TRIP12: variants seen among roughly 807,000 people sequenced by gnomAD.
TRIP12 encodes E3 ubiquitin-protein ligase TRIP12.
TRIP12 carries 25 observed loss-of-function variants against 244.2 expected under a neutral mutation model. The ratio of observed to expected loss-of-function variants is 0.10; its 90% CI spans 0.07 to 0.14. The LOEUF (loss-of-function observed/expected upper bound fraction) is 0.14, where lower values mean the gene tolerates loss of function less well. Ranked by LOEUF, TRIP12 falls within the 10% of genes least tolerant of loss-of-function variation. TRIP12 has a pLI of 1.00. For missense variants in TRIP12, 1,677 were observed against 2,486.4 expected, an observed-to-expected ratio of 0.67 and a Z score of 6.92; for synonymous variants, 905 against 873.1, an observed-to-expected ratio of 1.04 and a Z score of -0.64.
At chr2:229,826,930 T>C (rs574017963) in intron 8 of TRIP12, among the ~76,000 whole-genome samples, 2 of 152,292 alleles carry the variant, frequency 1.3e-5, no homozygotes, top group African/African-American at 4.8e-5. Context: ...TATATTACTA[T>C]CAATTTTGTA....
intron 2 of TRIP12, among the ~76,000 whole-genome samples, chr2:229,866,875 C>T (rs1196505487): frequency 2.0e-5 from 3 of 152,066 alleles, no homozygotes; most frequent in African/African-American, 7.2e-5. Context: ...AAAAGCTTTC[C>T]AGTCAAAAGC....
In TRIP12 at chr2:229,769,867, T is replaced by C. The variant is rs112322429; in HGVS notation, c.5809-542A>G. 7.7e-4 allele frequency among the ~76,000 whole-genome samples: 117 copies of C among 152,292 alleles called. 1 individual carries two copies. The highest frequency in any genetic ancestry group is 2.5e-3 in the African/African-American group (102 of 41,574). On this transcript the variant is annotated intron_variant, in intron 39 of 41. Coordinates refer to ENST00000675903, the MANE Select transcript of TRIP12 (RefSeq NM_001348323.3). ...TGTATGGGGACCAACCCAGATATTA[T>C]AGAATGAATATTAGAAAGCAATAAA... is the stretch of plus-strand genomic sequence containing the variant.
intron 39 of TRIP12, among the ~76,000 whole-genome samples, chr2:229,770,385 T>C (rs2033795240): frequency 6.6e-6 from 1 of 152,196 alleles, no homozygotes; most frequent in Non-Finnish European, 1.5e-5. Flanking sequence ...CATGATTCTA[T>C]TCCAGGTGAC....
intron 34 of TRIP12, among the ~76,000 whole-genome samples, chr2:229,782,580 A>T (rs1158261163): frequency 6.6e-6 from 1 of 152,102 alleles, no homozygotes; most frequent in African/African-American, 2.4e-5. Context: ...ATAACCTGGA[A>T]CCCTAGCATG....
chr2:229,900,315 T>TAG (rs1274818086), intron 1 of TRIP12, among the ~76,000 whole-genome samples: 2 of 152,218 alleles, frequency 1.3e-5, no homozygotes, highest in Non-Finnish European at 2.9e-5. Context: ...GTTTCCTATC[T>TAG]AACCTGCTTG....
intron 21 of TRIP12, 77 bp downstream of exon 21, chr2:229,802,175 A>C: frequency 2.7e-6 from 3 of 1,117,074 alleles, no homozygotes; most frequent in Non-Finnish European, 3.7e-6. Context: ...TTACCATTTT[A>C]CTCCCTATAT....
intron 6 of TRIP12, chr2:229,831,052 T>C: frequency 1.4e-6 from 1 of 696,920 alleles, no homozygotes; most frequent in Non-Finnish European, 2.6e-6. Context: ...AAAAAGGTTG[T>C]ATTTTTATGC....
chr2:229,873,998 G>C (rs550622953), intron 2 of TRIP12, among the ~76,000 whole-genome samples: 11 of 151,624 alleles, frequency 7.3e-5, no homozygotes, highest in Admixed American at 7.2e-4. Flanking sequence ...AAACAGAGTT[G>C]GTAGACTTAA....
intron 4 of TRIP12, among the ~76,000 whole-genome samples, chr2:229,855,881 T>C (rs1004498254): frequency 4.0e-5 from 6 of 151,600 alleles, no homozygotes; most frequent in Admixed American, 1.3e-4. Context: ...GTCTCTTAAA[T>C]ACAAAAATTA....
At chr2:229,827,478 ATTT>A (rs953541544) in intron 8 of TRIP12, among the ~76,000 whole-genome samples, 47 of 151,932 alleles carry the variant, frequency 3.1e-4, no homozygotes, top group African/African-American at 9.9e-4. Flanking sequence ...TATTATTATT[ATTT>A]TTTTGGTTAT....
At chr2:229,921,071 TGATCTATTTA>T (rs950869524) in intron 1 of TRIP12, among the ~76,000 whole-genome samples, 4 of 148,320 alleles carry the variant, frequency 2.7e-5, no homozygotes, top group African/African-American at 7.4e-5. Context: ...ATTTCCATTC[TGATCTATTTA>T]AAAGGATACT....
At chr2:229,889,444 G>C (rs1170457114) in intron 1 of TRIP12, among the ~76,000 whole-genome samples, 2 of 152,176 alleles carry the variant, frequency 1.3e-5, no homozygotes, top group Non-Finnish European at 2.9e-5. Context: ...CTGCATTCAT[G>C]TAACAGAGGA....
chr2:229,892,306 AG>A (rs1049079946), intron 1 of TRIP12, among the ~76,000 whole-genome samples: 2 of 152,232 alleles, frequency 1.3e-5, no homozygotes, highest in African/African-American at 4.8e-5. Context: ...AGAAAGAAGC[AG>A]GGGGAAGGAA....
intron 12 of TRIP12, 92 bp from the exon 13 acceptor site, chr2:229,814,123 G>GA: frequency 6.6e-6 from 10 of 1,521,578 alleles, no homozygotes; most frequent in Non-Finnish European, 9.0e-6. Flanking sequence ...CATTACTCTG[G>GA]AAACAACATT....
At chr2:229,777,223 A>G (rs776156672) in intron 37 of TRIP12, 92 bp downstream of exon 37, 3 of 1,365,690 alleles carry the variant, frequency 2.2e-6, no homozygotes, top group African/African-American at 1.5e-5. Flanking sequence ...AAACATTAAT[A>G]TAACAACTGA....
chr2:229,814,416 T>C (rs1291817680), intron 11 of TRIP12, 91 bp from the exon 12 acceptor site: 4 of 1,255,272 alleles, frequency 3.2e-6, no homozygotes, highest in Admixed American at 1.9e-5. Flanking sequence ...TTTACATCCA[T>C]GTATACTATC....
chr2:229,888,200 G>C (rs757293019), intron 1 of TRIP12, among the ~76,000 whole-genome samples: 2 of 152,154 alleles, frequency 1.3e-5, no homozygotes, highest in Non-Finnish European at 2.9e-5. Context: ...AGTACATTTA[G>C]TGTTAATCAT....
chr2:229,836,354 C>A (rs2054815698), intron 6 of TRIP12, among the ~76,000 whole-genome samples: 1 of 152,034 alleles, frequency 6.6e-6, no homozygotes, highest in South Asian at 2.1e-4. Context: ...GTAATGGGTA[C>A]ATTATTTAAA....
intron 8 of TRIP12, among the ~76,000 whole-genome samples, chr2:229,818,971 G>A (rs1485137216): frequency 6.9e-6 from 1 of 145,242 alleles, no homozygotes; most frequent in African/African-American, 2.6e-5. Flanking sequence ...GAAAGGGCAA[G>A]GAAATAAAAA....
Sources: allele counts gnomAD v4.1 joint callset (sites outside exome capture counted in the v4.1 genomes callset), GRCh38; gene constraint gnomAD v4.1.1; transcripts MANE v1.5; gene names NCBI Gene and HGNC (gene_info 2026-07-23, HGNC 2026-07-21).